Variants in HMGXB4 observed in about 807,000 individuals in gnomAD.
HMGXB4 encodes HMG domain-containing protein 4.
A neutral mutation model predicts 63.9 loss-of-function variants in HMGXB4; 27 were observed. That is an observed-to-expected ratio of 0.42 (90% CI 0.31 to 0.58). The LOEUF is 0.58. Among genes scored for constraint, HMGXB4 ranks in the 20% least tolerant of loss-of-function variants. HMGXB4 has a pLI of 0.13. For missense variants in HMGXB4, 624 were observed against 700.7 expected (o/e 0.89, Z 1.24); for synonymous variants, 264 against 265.3 (o/e 0.99, Z 0.05).
chr22:35,244,238 T>A, the HMGXB4 span, among the ~76,000 whole-genome samples: 1 of 152,040 alleles, frequency 6.6e-6, no homozygotes, highest in Admixed American at 6.5e-5. Flanking sequence ...CCCTGATCAT[T>A]TTATTTTCAG....
the HMGXB4 span, among the ~76,000 whole-genome samples, chr22:35,247,964 C>T: frequency 5.3e-4 from 80 of 152,164 alleles, no homozygotes; most frequent in Admixed American, 7.2e-4. Flanking sequence ...AGTGCACTTA[C>T]ACAAACCTAG....
the HMGXB4 span, among the ~76,000 whole-genome samples, chr22:35,241,554 G>T: frequency 6.6e-6 from 1 of 152,138 alleles, no homozygotes; most frequent in African/African-American, 2.4e-5. Context: ...GTGGTGCCAG[G>T]CAGGAATGGG....
At chr22:35,281,161 C>T (rs1222955928) in intron 5 of HMGXB4, among the ~76,000 whole-genome samples, 1 of 152,144 alleles carries the variant, frequency 6.6e-6, no homozygotes, top group Admixed American at 6.6e-5. Flanking sequence ...CATTGAAATA[C>T]TTTTACTATC....
At chr22:35,280,471 T>C (rs181368445) in intron 5 of HMGXB4, among the ~76,000 whole-genome samples, 3 of 152,294 alleles carry the variant, frequency 2.0e-5, no homozygotes, top group East Asian at 1.9e-4. Flanking sequence ...TCTTCCTCCT[T>C]CTCAGTTTAT....
intron 1 of HMGXB4, chr22:35,258,392 T>TA (rs967011680): frequency 6.6e-6 from 1 of 152,242 alleles, no homozygotes; most frequent in Admixed American, 6.5e-5. Flanking sequence ...TAGAACAAAG[T>TA]AAAAAACTGA....
upstream of HMGXB4, among the ~76,000 whole-genome samples, chr22:35,254,590 G>C (rs1922313285): frequency 1.3e-5 from 2 of 152,126 alleles, no homozygotes; most frequent in Non-Finnish European, 2.9e-5. Context: ...CTCCACCTCT[G>C]ATTATCACTG....
chr22:35,256,121 G>A (rs777515466), upstream of HMGXB4, among the ~76,000 whole-genome samples: 17 of 152,210 alleles, frequency 1.1e-4, no homozygotes, highest in Non-Finnish European at 1.6e-4. Context: ...AAAGAGCACT[G>A]AACCAGAGTC....
At chr22:35,263,345 A>G in intron 3 of HMGXB4, 119 bp downstream of exon 3, 1 of 768,912 alleles carries the variant, frequency 1.3e-6, no homozygotes, top group Non-Finnish European at 2.0e-6. Context: ...ATGCAATGGC[A>G]CAATCTCTGC....
intron 5 of HMGXB4, among the ~76,000 whole-genome samples, chr22:35,271,235 A>T (rs1923585711): frequency 6.6e-6 from 1 of 152,192 alleles, no homozygotes; most frequent in Non-Finnish European, 1.5e-5. Context: ...TCTCAAAAAA[A>T]ATAAATAAAA....
intron 2 of HMGXB4, 29 bp from the exon 3 acceptor site, chr22:35,263,049 C>T (rs1205650006): frequency 1.2e-6 from 2 of 1,608,374 alleles, no homozygotes; most frequent in South Asian, 2.2e-5. Context: ...TTTCTCATTT[C>T]CTTTCCCAAA....
At chr22:35,242,634 G>A in the HMGXB4 span, among the ~76,000 whole-genome samples, 1 of 151,438 alleles carries the variant, frequency 6.6e-6, no homozygotes, top group Non-Finnish European at 1.5e-5. Context: ...CACTGATTTT[G>A]CCTCTTATTT....
chr22:35,257,707 C>T (rs1442433455), intron 1 of HMGXB4, 150 bp downstream of exon 1: 1 of 152,540 alleles, frequency 6.6e-6, no homozygotes, highest in African/African-American at 2.4e-5. Flanking sequence ...GGGGCCGAGC[C>T]GGGGACTGGA....
intron 5 of HMGXB4, among the ~76,000 whole-genome samples, chr22:35,278,658 T>A (rs1009996628): frequency 1.7e-4 from 7 of 41,652 alleles, no homozygotes; most frequent in African/African-American, 2.7e-4. Flanking sequence ...TTTAATATTA[T>A]TTTTTTTTAA....
chr22:35,288,869 T>C (rs1279514411), intron 9 of HMGXB4, among the ~76,000 whole-genome samples: 1 of 152,142 alleles, frequency 6.6e-6, no homozygotes, highest in Non-Finnish European at 1.5e-5. Flanking sequence ...GGGCCGGGCG[T>C]GGTGGCTTAT....
At chr22:35,287,998 T>G (rs1166599567) in intron 8 of HMGXB4, among the ~76,000 whole-genome samples, 1 of 152,124 alleles carries the variant, frequency 6.6e-6, no homozygotes, top group African/African-American at 2.4e-5. Context: ...GTGTGCCGTA[T>G]GCATTCTCGC....
intron 5 of HMGXB4, among the ~76,000 whole-genome samples, chr22:35,276,604 T>C (rs868621647): frequency 2.6e-5 from 4 of 152,100 alleles, no homozygotes; most frequent in Admixed American, 2.0e-4. Context: ...TGTGTATGTG[T>C]TTGGGTGTGC....
At chr22:35,293,282 T>G (rs1925039730) in intron 10 of HMGXB4, among the ~76,000 whole-genome samples, 168 bp downstream of exon 10, 1 of 152,234 alleles carries the variant, frequency 6.6e-6, no homozygotes, top group African/African-American at 2.4e-5. Context: ...GTACTTTCAC[T>G]GAAACTAGAA....
At chr22:35,293,250 G>A in intron 10 of HMGXB4, 136 bp downstream of exon 10, 5 of 987,362 alleles carry the variant, frequency 5.1e-6, no homozygotes, top group Non-Finnish European at 7.7e-6. Flanking sequence ...GGAACATGAT[G>A]CTATATTATC....
the HMGXB4 span, among the ~76,000 whole-genome samples, chr22:35,243,387 A>G: frequency 6.6e-6 from 1 of 152,320 alleles, no homozygotes; most frequent in Admixed American, 6.5e-5. Flanking sequence ...AATAAAAAAG[A>G]AATGCTGATC....
Sources: gnomAD v4.1 joint callset for allele counts (sites outside exome capture counted in the v4.1 genomes callset) on GRCh38, gnomAD v4.1.1 for gene constraint, MANE v1.5 for transcripts, NCBI Gene and HGNC (gene_info 2026-07-23, HGNC 2026-07-21) for gene names.